Variants in BPTF observed in about 807,000 individuals in gnomAD.
BPTF encodes the protein nucleosome-remodeling factor subunit BPTF.
In BPTF, 18 loss-of-function variants were observed where a neutral mutation model predicts 292.5. The ratio of observed to expected loss-of-function variants is 0.06; its 90% CI spans 0.04 to 0.09. The LOEUF (loss-of-function observed/expected upper bound fraction) is 0.09, where lower values mean the gene tolerates loss of function less well. Among genes scored for constraint, BPTF ranks in the 10% least tolerant of loss-of-function variants. The pLI is 1.00. For missense variants in BPTF, 2,726 were observed against 3,498.7 expected (o/e 0.78, Z 5.57); for synonymous variants, 1,225 against 1,251.9 (o/e 0.98, Z 0.45).
intron 2 of BPTF, among the ~76,000 whole-genome samples, chr17:67,864,907 C>G: frequency 6.6e-6 from 1 of 152,302 alleles, no homozygotes; most frequent in South Asian, 2.1e-4. Flanking sequence ...TGGGTTCACA[C>G]CATTCTCCTG....
chr17:67,954,418 T>C (rs569420806), intron 23 of BPTF, among the ~76,000 whole-genome samples: 14 of 152,276 alleles, frequency 9.2e-5, no homozygotes, highest in African/African-American at 3.4e-4. Flanking sequence ...GAGTTTTGTT[T>C]TTGTTTTCTC....
In BPTF at chr17:67,928,463, A is replaced by C; in HGVS notation, c.5860A>C (p.Ile1954Leu). The C allele has an allele frequency of 1.2e-6, 2 of 1,614,180 alleles. No individual in the cohort carries two copies. The highest frequency in any genetic ancestry group is 1.7e-6 in the Non-Finnish European group (2 of 1,180,022). The change falls in exon 16 of 28, where the codon ATA becomes CTA. Residue 1954 changes from isoleucine to leucine, a missense_variant. Physicochemically the swap from Ile to Leu is conservative, Grantham distance 5 (BLOSUM62 2). This residue lies in a region of BPTF where 198 missense variants were observed against 277.1 expected (regional missense o/e 0.71). Coordinates refer to ENST00000306378, the MANE Select transcript of BPTF (RefSeq NM_182641.4). ...SPAQKVMVAP[I>L]SGSVTTGTKM... The stretch of plus-strand genomic sequence containing the variant: ...AGCACAGAAGGTTATGGTGGCCCCC[A>C]TAAGTGGCTCAGTTACAACTGGAAC...
chr17:67,900,112 C>T (rs1210273790), intron 7 of BPTF, among the ~76,000 whole-genome samples: 2 of 151,910 alleles, frequency 1.3e-5, no homozygotes, highest in East Asian at 3.9e-4. Flanking sequence ...ATGTGTGTGT[C>T]TGTGTGTTTT....
At chr17:67,842,487 C>T (rs187994862) in intron 1 of BPTF, among the ~76,000 whole-genome samples, 1 of 152,252 alleles carries the variant, frequency 6.6e-6, no homozygotes, top group East Asian at 1.9e-4. Flanking sequence ...TTAGACCTCT[C>T]CTCTAAACTC....
rs138632854 is a variant in BPTF at position 67,839,065 on chromosome 17, C to T, written c.613+12728C>T. Among the ~76,000 whole-genome samples the T allele has an allele frequency of 4.1e-3, 618 of 152,042 alleles. 5 individuals are homozygous for T. Among genetic ancestry groups the T allele is most frequent in the African/African-American group, 0.014 (579 of 41,478 alleles). On this transcript the variant is annotated intron_variant, in intron 1 of 27. Coordinates refer to ENST00000306378, the MANE Select transcript of BPTF (RefSeq NM_182641.4). ...CATATGTACACATCTGATTTTCTTA[C>T]ATTTGTATCTCCTTTTTCTCTTCAA... is the stretch of plus-strand genomic sequence containing the variant.
chr17:67,904,132 G>T (rs1011673521), intron 8 of BPTF, among the ~76,000 whole-genome samples: 2 of 152,244 alleles, frequency 1.3e-5, no homozygotes, highest in South Asian at 4.2e-4. Context: ...GGGTTCAAAC[G>T]ATTCTCCTGC....
At chr17:67,965,952 TTGGGAGGCTGAGG>T (rs1257245676) in intron 25 of BPTF, 1 of 152,150 alleles carries the variant, frequency 6.6e-6, no homozygotes, top group Non-Finnish European at 1.5e-5. Flanking sequence ...TCCCAGCTAC[TTGGGAGGCTGAGG>T]TGAGAGGATC....
chr17:67,883,618 G>T (rs1347813837), intron 4 of BPTF, among the ~76,000 whole-genome samples: 1 of 151,936 alleles, frequency 6.6e-6, no homozygotes, highest in Non-Finnish European at 1.5e-5. Flanking sequence ...TGTGTTTTTT[G>T]AGACAGAGTA....
chr17:67,980,399 G>A (rs1209168303), intron 27 of BPTF, among the ~76,000 whole-genome samples: 1 of 152,190 alleles, frequency 6.6e-6, no homozygotes, highest in Non-Finnish European at 1.5e-5. Flanking sequence ...TGATCATAGG[G>A]AGCCTGGATT....
chr17:67,829,516 A>G (rs896801639), intron 1 of BPTF, among the ~76,000 whole-genome samples: 2 of 147,226 alleles, frequency 1.4e-5, no homozygotes, highest in African/African-American at 5.0e-5. Context: ...CTTTTAGAAC[A>G]TGCCCACTTG....
intron 17 of BPTF, 62 bp from the exon 18 acceptor site, chr17:67,931,849 A>T: frequency 4.1e-6 from 5 of 1,229,110 alleles, no homozygotes; most frequent in Middle Eastern, 3.8e-4. Flanking sequence ...TTGTGTTCTA[A>T]GTCCATTATA....
In BPTF at chr17:67,910,863, T is replaced by G; in HGVS notation, c.2993-14T>G. ...AGTAAAAATTACATTTATATAAATG[T>G]CTTTGTTTCACAGATGTGAAGGAGC... is the stretch of plus-strand genomic sequence containing the variant. On this transcript the variant is annotated splice_polypyrimidine_tract_variant and intron_variant, in intron 10 of 27. Transcript: ENST00000306378. 6.5e-7 allele frequency: 1 copy of G among 1,529,566 alleles called. No individual in the cohort carries two copies. Among genetic ancestry groups the G allele is most frequent in the Non-Finnish European group, 8.8e-7 (1 of 1,137,804 alleles). 94.7% of individuals were successfully genotyped at this position (1,529,566 alleles called of 1,614,324 possible).
At chr17:67,863,451 A>G (rs1197580078) in intron 2 of BPTF, among the ~76,000 whole-genome samples, 3 of 151,980 alleles carry the variant, frequency 2.0e-5, no homozygotes, top group Admixed American at 1.3e-4. Flanking sequence ...TTCCTGGCCA[A>G]TTTTTTGTAT....
chr17:67,951,763 G>T (rs1196628231), intron 23 of BPTF: 1 of 152,044 alleles, frequency 6.6e-6, no homozygotes, highest in Non-Finnish European at 1.5e-5. Context: ...GTTATACTTT[G>T]AGAAAGGAGG....
chr17:67,914,569 ACTT>A (rs1192646214), intron 11 of BPTF, among the ~76,000 whole-genome samples: 1 of 152,198 alleles, frequency 6.6e-6, no homozygotes, highest in Non-Finnish European at 1.5e-5. Context: ...CCTGCAGGTA[ACTT>A]CTTTCCCACT....
At chr17:67,864,070 G>C (rs1486233004) in intron 2 of BPTF, among the ~76,000 whole-genome samples, 2 of 152,056 alleles carry the variant, frequency 1.3e-5, no homozygotes. Context: ...AACATGGTAG[G>C]CCTTGTAAGA....
intron 2 of BPTF, among the ~76,000 whole-genome samples, chr17:67,860,995 C>G (rs1422541297): frequency 6.6e-6 from 1 of 152,210 alleles, no homozygotes. Context: ...TGAATTCCTT[C>G]TGTCCACGTT....
chr17:67,870,766 CTTTTTTTT>C (rs11418428), intron 3 of BPTF, among the ~76,000 whole-genome samples: 1 of 106,394 alleles, frequency 9.4e-6, no homozygotes, highest in Non-Finnish European at 1.7e-5. Flanking sequence ...TGCTTCATTT[CTTTTTTTT>C]TTTTTTTTTT....
At chr17:67,947,606 T>C in intron 21 of BPTF, 120 bp from the exon 22 acceptor site, 3 of 756,116 alleles carry the variant, frequency 4.0e-6, no homozygotes, top group Non-Finnish European at 6.2e-6. Context: ...TGTTACGATA[T>C]AAAATTCTTA....
Sources: allele counts gnomAD v4.1 joint callset (sites outside exome capture counted in the v4.1 genomes callset), GRCh38; gene constraint gnomAD v4.1.1; regional missense constraint gnomAD v4.1.1; transcripts MANE v1.5; gene names NCBI Gene and HGNC (gene_info 2026-07-23, HGNC 2026-07-21).